SLC17A2: variants seen among roughly 807,000 people sequenced by gnomAD.
SLC17A2 encodes solute carrier family 17 member 2.
A neutral mutation model predicts 52.1 loss-of-function variants in SLC17A2; 38 were observed. The observed-to-expected ratio is 0.73, with a 90% CI of 0.56 to 0.96. The LOEUF is 0.96. Ranked by LOEUF, SLC17A2 falls within the 40% of genes least tolerant of loss-of-function variation. The pLI is 0.00. For synonymous variants in SLC17A2, 226 were observed against 211.9 expected, an observed-to-expected ratio of 1.07 and a Z score of -0.58; for missense variants, 508 against 583.9, an observed-to-expected ratio of 0.87 and a Z score of 1.34.
At chr6:25,921,574 T>A (rs1766561638) in intron 3 of SLC17A2, among the ~76,000 whole-genome samples, 162 bp from the exon 4 acceptor site, 1 of 137,086 alleles carries the variant, frequency 7.3e-6, no homozygotes, top group Non-Finnish European at 1.6e-5. Context: ...ATACCCCTAA[T>A]TTGCTTGTCT....
In SLC17A2 at chr6:25,917,023, G is replaced by A. The variant is rs1561875785; in HGVS notation, c.714C>T (p.His238=). 3.1e-6 allele frequency: 5 copies of A among 1,614,146 alleles called. No individual in the cohort carries two copies. Among genetic ancestry groups the A allele is most frequent in the Non-Finnish European group, 4.2e-6 (5 of 1,180,008 alleles). ...CCTTTTCCCTAACACTTATGCACGG[G>A]TGATGCATGGGGTCATCATAAATCA... The part of the protein sequence containing the change: ...FTVIYDDPMH[H]PCISVREKEH... The change falls in exon 7 of 12, where the codon CAC becomes CAT. Residue 238 remains histidine (H), a synonymous_variant. Transcript: ENST00000377850.
At chr6:25,918,806 G>A (rs1766427777) in intron 5 of SLC17A2, among the ~76,000 whole-genome samples, 1 of 152,182 alleles carries the variant, frequency 6.6e-6, no homozygotes, top group Admixed American at 6.5e-5. Context: ...CAACACCAAT[G>A]TGACCAAATC....
At chr6:25,925,310 G>A (rs775869640) in intron 2 of SLC17A2, among the ~76,000 whole-genome samples, 18 of 152,022 alleles carry the variant, frequency 1.2e-4, no homozygotes, top group Non-Finnish European at 1.9e-4. Flanking sequence ...TCAGGAGATC[G>A]AGACCATCCT....
intron 9 of SLC17A2, 23 bp downstream of exon 9, chr6:25,915,713 T>C (rs767384243): frequency 1.9e-6 from 3 of 1,613,352 alleles, no homozygotes; most frequent in African/African-American, 1.3e-5. Flanking sequence ...ATTGGTTAAA[T>C]GGGCCCACAC....
rs140882650 is a variant in SLC17A2 at position 25,921,350 on chromosome 6, C to T, written c.303G>A (p.Gly101=). 13 of 1,614,004 alleles carry T rather than the reference C, an allele frequency of 8.1e-6. No individual in the cohort carries two copies. The highest frequency in any genetic ancestry group is 1.3e-5 in the African/African-American group (1 of 74,908). ...CACTTGGGATCAGAGTCAGTATTAT[C>T]CCATAGTTGATGGAGCTAAAGATGA... ...QGIIFSSINY[G]IILTLIPSGY... Residue 101 remains glycine, a synonymous_variant, in exon 4 of 12, where the codon GGG becomes GGA. Coordinates refer to ENST00000377850, the MANE Select transcript of SLC17A2 (RefSeq NM_001286123.3).
intron 10 of SLC17A2, among the ~76,000 whole-genome samples, chr6:25,915,149 G>GTGTATATATATATATA (rs749697702): frequency 4.0e-4 from 23 of 57,898 alleles, no homozygotes; most frequent in Non-Finnish European, 5.3e-4. Flanking sequence ...TATTGTGACT[G>GTGTATATATATATATA]TATATATATA....
intron 11 of SLC17A2, among the ~76,000 whole-genome samples, chr6:25,913,964 A>C (rs188211540): frequency 6.6e-6 from 1 of 152,308 alleles, no homozygotes; most frequent in Admixed American, 6.5e-5. Context: ...CAGTTTAGTC[A>C]AATATTAACC....
Position 25,923,681 on chromosome 6 carries a change from TC to T in SLC17A2, c.240+13del. 1 of 1,607,292 alleles carries T rather than the reference TC, an allele frequency of 6.2e-7. No individual in the cohort carries two copies. The highest frequency in any genetic ancestry group is 8.5e-7 in the Non-Finnish European group (1 of 1,174,044). ...TTTCTCTCAACAAAGAGCCCTATTT[TC>T]CATCATACTTACCTTTGTATCAAAT... On this transcript the variant is annotated intron_variant, in intron 3 of 11. Transcript: ENST00000377850.
rs766352177 is a variant in SLC17A2 at position 25,919,699 on chromosome 6, C to CAAAAAAAAAAAAAAAAAAAAAAAAAA, written c.563-1152_563-1127dup. On this transcript the variant is annotated intron_variant, in intron 5 of 11. Coordinates refer to ENST00000377850, the MANE Select transcript of SLC17A2 (RefSeq NM_001286123.3). ...TGGGCGAAAGAGTGAGACACCGTCT[C>CAAAAAAAAAAAAAAAAAAAAAAAAAA]AAAAAAAAAAAAAAAAAAAAAAAAA... Among the ~76,000 whole-genome samples the CAAAAAAAAAAAAAAAAAAAAAAAAAA allele has an allele frequency of 2.9e-4, 9 of 31,152 alleles. 1 individual carries two copies. The highest frequency in any genetic ancestry group is 5.2e-4 in the Admixed American group (1 of 1,906). 20.4% of individuals were successfully genotyped at this position (31,152 alleles called of 152,430 possible). A position where few individuals can be genotyped will look rare whatever the true frequency, so the allele number is the denominator to read the frequency against.
chr6:25,925,107 G>A (rs1213137028), intron 2 of SLC17A2, among the ~76,000 whole-genome samples: 1 of 152,204 alleles, frequency 6.6e-6, no homozygotes, highest in Non-Finnish European at 1.5e-5. Flanking sequence ...GATAAGAGTG[G>A]TGGTCTGGGA....
rs756743568 is a variant in SLC17A2, at chr6:25,916,758, A to G, written c.857T>C (p.Phe286Ser). ...TGTTAGGATGATGGTGCACAACCAG[A>G]AATGGCTGAAAAAACCCAGGAAAAT... The part of the protein sequence containing the change: ...WAIFLGFFSH[F>S]WLCTIILTYL... Residue 286 changes from phenylalanine (F) to serine (S), a missense_variant, in exon 8 of 12, where the codon TTC becomes TCC. Coordinates refer to ENST00000377850, the MANE Select transcript of SLC17A2 (RefSeq NM_001286123.3). 1.2e-6 allele frequency: 2 copies of G among 1,614,068 alleles called. No individual in the cohort carries two copies. The highest frequency in any genetic ancestry group is 3.3e-4 in the Middle Eastern group (2 of 6,060).
intron 2 of SLC17A2, among the ~76,000 whole-genome samples, chr6:25,925,374 A>G (rs1305208088): frequency 1.3e-5 from 2 of 152,028 alleles, no homozygotes; most frequent in Admixed American, 6.6e-5. Context: ...TCATCTGGGC[A>G]TGGTGGTGTG....
chr6:25,929,110 A>G (rs1766864718), intron 1 of SLC17A2, among the ~76,000 whole-genome samples: 1 of 152,144 alleles, frequency 6.6e-6, no homozygotes, highest in Non-Finnish European at 1.5e-5. Flanking sequence ...GTCTTGCTTC[A>G]TCTCTGTTAG....
chr6:25,920,795 A>G (rs1390814859), intron 5 of SLC17A2, among the ~76,000 whole-genome samples: 1 of 152,194 alleles, frequency 6.6e-6, no homozygotes, highest in African/African-American at 2.4e-5. Context: ...TCTGAGCTGA[A>G]ACCTAGCTCA....
chr6:25,917,458 T>G (rs1447028080), intron 6 of SLC17A2, among the ~76,000 whole-genome samples: 1 of 152,236 alleles, frequency 6.6e-6, no homozygotes, highest in Non-Finnish European at 1.5e-5. Context: ...AATAGTCAGG[T>G]TTGCAGTCAT....
chr6:25,915,384 T>A (rs1200245700), intron 10 of SLC17A2, 115 bp downstream of exon 10: 5 of 915,040 alleles, frequency 5.5e-6, no homozygotes, highest in Non-Finnish European at 7.9e-6. Context: ...TGTAGTTATT[T>A]GTCATTCTGC....
At chr6:25,927,369 T>G (rs1483135758) in intron 1 of SLC17A2, among the ~76,000 whole-genome samples, 1 of 152,204 alleles carries the variant, frequency 6.6e-6, no homozygotes. Flanking sequence ...TCGACAATAT[T>G]GAATTACATT....
rs749697702 is a variant in SLC17A2 at position 25,915,149 on chromosome 6, G to GTGTATATATATATATATATATATA, written c.1211+349_1211+350insTATATATATATATATATATATACA. Among the ~76,000 whole-genome samples the GTGTATATATATATATATATATATA allele has an allele frequency of 2.5e-3, 147 of 57,868 alleles. 7 individuals carry two copies. Among genetic ancestry groups the GTGTATATATATATATATATATATA allele is most frequent in the Middle Eastern group, 8.1e-3 (1 of 124 alleles). 38.0% of individuals were successfully genotyped at this position (57,868 alleles called of 152,430 possible). A position where few individuals can be genotyped will look rare whatever the true frequency, so the allele number is the denominator to read the frequency against. On this transcript the variant is annotated intron_variant, in intron 10 of 11. Transcript: ENST00000377850. ...GCACAGGAGCTGGCTTATTGTGACT[G>GTGTATATATATATATATATATATA]TATATATATATATATATATATATAT...
Position 25,921,167 on chromosome 6 carries a change from G to A in SLC17A2, c.474+12C>T. 1 of 1,613,824 alleles carries A rather than the reference G, an allele frequency of 6.2e-7. No homozygotes were observed. The highest frequency in any genetic ancestry group is 1.1e-5 in the South Asian group (1 of 91,074). On this transcript the variant is annotated intron_variant, in intron 4 of 11. Coordinates refer to ENST00000377850, the MANE Select transcript of SLC17A2 (RefSeq NM_001286123.3). ...TCTGGATCCCACCAAGAATGAGAAA[G>A]TATCTGGATACCTGGGCCATGCCCT...
Sources: allele counts gnomAD v4.1 joint callset (sites outside exome capture counted in the v4.1 genomes callset), GRCh38; gene constraint gnomAD v4.1.1; transcripts MANE v1.5; gene names NCBI Gene and HGNC (gene_info 2026-07-23, HGNC 2026-07-21).